VAT1L: variants seen among roughly 807,000 people sequenced by gnomAD.
VAT1L encodes the protein vesicle amine transport 1 like.
In VAT1L, 34 loss-of-function variants were observed where a neutral mutation model predicts 44.1. The ratio of observed to expected loss-of-function variants is 0.77; its 90% CI spans 0.59 to 1.03. VAT1L has a LOEUF of 1.03. VAT1L is among the 50% of genes least tolerant of loss of function. VAT1L has a pLI of 0.00. For missense variants in VAT1L, 615 were observed against 538.8 expected (o/e 1.14, Z -1.40); for synonymous variants, 253 against 202.2 (o/e 1.25, Z -2.13).
intron 3 of VAT1L, among the ~76,000 whole-genome samples, chr16:77,844,328 A>G (rs1185136414): frequency 3.3e-5 from 5 of 152,208 alleles, no homozygotes; most frequent in Non-Finnish European, 2.9e-5. Context: ...GCTAAGTATT[A>G]TAAGTAATCT....
Position 77,879,080 on chromosome 16 carries a change from G to A in VAT1L, c.827-89G>A, listed in dbSNP as rs554166383. On this transcript the variant is annotated intron_variant, in intron 5 of 8. Coordinates refer to ENST00000302536, the MANE Select transcript of VAT1L (RefSeq NM_020927.3). The surrounding 1 kb of genome is among the most constrained non-coding windows in gnomAD (Gnocchi z 4.1). ...TTGTTTTCAAGATTTCTCCAGTTCC[G>A]GACCAAACAATTGCCATTTTTTTCA... 4.9e-5 allele frequency: 67 copies of A among 1,367,562 alleles called. No homozygotes were observed. The Admixed American group carries it at 5.0e-4, about 10-fold the overall frequency. 84.7% of individuals were successfully genotyped at this position (1,367,562 alleles called of 1,614,324 possible). A position where few individuals can be genotyped will look rare whatever the true frequency, so the allele number is the denominator to read the frequency against.
chr16:77,908,031 G>A (rs2142482148), intron 7 of VAT1L, among the ~76,000 whole-genome samples: 1 of 152,246 alleles, frequency 6.6e-6, no homozygotes, highest in East Asian at 1.9e-4. Flanking sequence ...ACCAGGTCAG[G>A]AGATTGAGAC....
chr16:77,811,416 C>A (rs2016263208), intron 1 of VAT1L, among the ~76,000 whole-genome samples: 2 of 151,918 alleles, frequency 1.3e-5, no homozygotes, highest in Non-Finnish European at 2.9e-5. Context: ...GTTAGCATAT[C>A]CAAAAAAAAA....
At chr16:77,858,064 G>A (rs976278142) in intron 3 of VAT1L, among the ~76,000 whole-genome samples, 2 of 152,140 alleles carry the variant, frequency 1.3e-5, no homozygotes, top group Non-Finnish European at 2.9e-5. Context: ...TTTACTATGT[G>A]CCAGGTTCTG....
At chr16:77,957,859 T>C (rs760209239) in intron 7 of VAT1L, among the ~76,000 whole-genome samples, 12 of 151,806 alleles carry the variant, frequency 7.9e-5, no homozygotes, top group South Asian at 4.2e-4. Context: ...GAGCTCAGGT[T>C]GTTACTTTAA....
At chr16:77,977,148 G>C (rs2018350021) in intron 8 of VAT1L, among the ~76,000 whole-genome samples, 1 of 152,044 alleles carries the variant, frequency 6.6e-6, no homozygotes, top group South Asian at 2.1e-4. Flanking sequence ...AAACTGCGTG[G>C]GGTGCAGGGA....
chr16:77,927,155 G>C (rs57044302), intron 7 of VAT1L, among the ~76,000 whole-genome samples: 1 of 151,310 alleles, frequency 6.6e-6, no homozygotes, highest in East Asian at 2.0e-4. Context: ...TGGCTAACAT[G>C]GTGAAATCTC....
intron 7 of VAT1L, among the ~76,000 whole-genome samples, chr16:77,939,128 A>G (rs1213221547): frequency 6.6e-6 from 1 of 152,196 alleles, no homozygotes; most frequent in Non-Finnish European, 1.5e-5. Flanking sequence ...GCACGGAAGT[A>G]ACCTTCCTCT....
At chr16:77,955,067 C>A (rs897128883) in intron 7 of VAT1L, among the ~76,000 whole-genome samples, 1 of 152,236 alleles carries the variant, frequency 6.6e-6, no homozygotes, top group Non-Finnish European at 1.5e-5. Flanking sequence ...GAGCTGTGTA[C>A]CACACACTCT....
At chr16:77,880,892 T>C (rs2017146180) in intron 6 of VAT1L, among the ~76,000 whole-genome samples, 1 of 152,146 alleles carries the variant, frequency 6.6e-6, no homozygotes. Context: ...GAAAATGAGC[T>C]CCAGCTGCAT....
intron 7 of VAT1L, among the ~76,000 whole-genome samples, chr16:77,910,951 A>T (rs1251055090): frequency 6.6e-6 from 1 of 152,244 alleles, no homozygotes; most frequent in Non-Finnish European, 1.5e-5. Context: ...GCAAAAGAAT[A>T]GAGAGATTAA....
At chr16:77,940,791 T>C (rs1387309868) in intron 7 of VAT1L, among the ~76,000 whole-genome samples, 1 of 152,236 alleles carries the variant, frequency 6.6e-6, no homozygotes, top group African/African-American at 2.4e-5. Context: ...AAGACAGCTC[T>C]ACTCTTATGT....
chr16:77,864,967 C>CTTTTTTTTT (rs869037679), intron 4 of VAT1L, among the ~76,000 whole-genome samples: 14 of 95,376 alleles, frequency 1.5e-4, no homozygotes, highest in East Asian at 7.2e-4. Flanking sequence ...TCTTCTTATC[C>CTTTTTTTTT]TTTTTTTTTT....
intron 1 of VAT1L, among the ~76,000 whole-genome samples, chr16:77,803,552 T>TG (rs1260820685): frequency 6.6e-6 from 1 of 151,608 alleles, no homozygotes; most frequent in Non-Finnish European, 1.5e-5. Context: ...CCAGAGTAGC[T>TG]GGGACTACAG....
chr16:77,858,376 C>T (rs1055661904), intron 3 of VAT1L, among the ~76,000 whole-genome samples: 5 of 152,094 alleles, frequency 3.3e-5, no homozygotes, highest in Admixed American at 6.5e-5. Flanking sequence ...AGCATAGTCA[C>T]GCAGGATCTG....
At chr16:77,910,868 T>G (rs2017493156) in intron 7 of VAT1L, among the ~76,000 whole-genome samples, 1 of 152,152 alleles carries the variant, frequency 6.6e-6, no homozygotes, top group Non-Finnish European at 1.5e-5. Flanking sequence ...CCAGGCATTC[T>G]AAGAGCATTA....
chr16:77,807,695 C>A (rs2016188546), intron 1 of VAT1L, among the ~76,000 whole-genome samples: 1 of 152,096 alleles, frequency 6.6e-6, no homozygotes, highest in Non-Finnish European at 1.5e-5. Context: ...GGATAGCAAG[C>A]TTATATCTGT....
At chr16:77,970,435 C>G (rs1479625014) in intron 7 of VAT1L, among the ~76,000 whole-genome samples, 1 of 152,160 alleles carries the variant, frequency 6.6e-6, no homozygotes, top group Non-Finnish European at 1.5e-5. Flanking sequence ...TTTTATGGAG[C>G]TAGAGATTAA....
intron 2 of VAT1L, among the ~76,000 whole-genome samples, chr16:77,817,326 G>A (rs139400600): frequency 6.6e-6 from 1 of 152,066 alleles, no homozygotes; most frequent in Non-Finnish European, 1.5e-5. Flanking sequence ...AAAGTATTTG[G>A]CATTTGGATT....
Sources: allele counts gnomAD v4.1 joint callset (sites outside exome capture counted in the v4.1 genomes callset), GRCh38; gene constraint gnomAD v4.1.1; non-coding constraint Gnocchi (gnomAD v3.1); transcripts MANE v1.5; gene names NCBI Gene and HGNC (gene_info 2026-07-23, HGNC 2026-07-21).